Variants in ZNF217 observed in about 807,000 individuals in gnomAD.
ZNF217 encodes the protein zinc finger protein 217.
ZNF217 carries 12 observed loss-of-function variants against 73.3 expected under a neutral mutation model. That is an observed-to-expected ratio of 0.16 (90% CI 0.10 to 0.27). The LOEUF (loss-of-function observed/expected upper bound fraction) is 0.27. Ranked by LOEUF, ZNF217 falls within the 10% of genes least tolerant of loss-of-function variation. ZNF217 has a pLI of 1.00. For missense variants in ZNF217, 1,195 were observed against 1,327.8 expected, an observed-to-expected ratio of 0.90 and a Z score of 1.55; for synonymous variants, 588 against 516.4, an observed-to-expected ratio of 1.14 and a Z score of -1.88.
rs779968597 is a variant in ZNF217 at position 53,582,660 on chromosome 20, A to T, written c.167T>A (p.Val56Asp). 1 of 1,614,204 alleles carries T rather than the reference A, an allele frequency of 6.2e-7. No homozygotes were observed. Among genetic ancestry groups the T allele is most frequent in the Non-Finnish European group, 8.5e-7 (1 of 1,180,032 alleles). The change falls in exon 2 of 6, where the codon GTC becomes GAC. Residue 56 changes from valine (V) to aspartate (D), a missense_variant. Coordinates refer to ENST00000371471, the MANE Select transcript of ZNF217 (RefSeq NM_006526.3). The surrounding 1 kb of genome is among the most constrained non-coding windows in gnomAD (Gnocchi z 4.8). ...GGGCATATACCCCTCGATTTGGATG[A>T]CATTTTTTTCTTGTGTAGCTCGGAA... ...VPFRATQEKN[V>D]IQIEGYMPLD...
chr20:53,594,730 G>A (rs1280895194), upstream of ZNF217, among the ~76,000 whole-genome samples: 1 of 152,150 alleles, frequency 6.6e-6, no homozygotes, highest in Non-Finnish European at 1.5e-5. Context: ...CGGGCGAGGG[G>A]AGGGGCCCGC....
Position 53,581,368 on chromosome 20 carries a change from C to A in ZNF217, c.1366+93G>T. 4.7e-6 allele frequency: 7 copies of A among 1,495,866 alleles called. No homozygotes were observed. Among genetic ancestry groups the A allele is most frequent in the Non-Finnish European group, 6.2e-6 (7 of 1,126,030 alleles). 92.7% of individuals were successfully genotyped at this position (1,495,866 alleles called of 1,614,324 possible). ...CTGGCTCTCCAAACCCCATTCCTGG[C>A]CAGCGTTGTCTGGAGATGGGAATAG... On this transcript the variant is annotated intron_variant, in intron 2 of 5. Coordinates refer to ENST00000371471, the MANE Select transcript of ZNF217 (RefSeq NM_006526.3). The surrounding 1 kb of genome is among the most constrained non-coding windows in gnomAD (Gnocchi z 4.9).
At chr20:53,594,631 C>T (rs943207562), upstream of ZNF217, among the ~76,000 whole-genome samples, 8 of 151,826 alleles carry the variant, frequency 5.3e-5, no homozygotes, top group East Asian at 7.8e-4. Context: ...GACAGGTACC[C>T]GGGGAGGCCG....
At position 53,576,292 on chromosome 20, in the gene ZNF217, C is replaced by T; in HGVS notation, c.2472G>A (p.Gln824=). Residue 824 remains glutamine (Q), a synonymous_variant, in exon 4 of 6, where the codon CAG becomes CAA. Coordinates refer to ENST00000371471, the MANE Select transcript of ZNF217 (RefSeq NM_006526.3). ...CGGCCCCTTGGACCCCCACATTCTG[C>T]TGTGGTCTGTGGGACTTCAGGTTAC... The part of the protein sequence containing the change: ...APSNLKSHRP[Q]QNVGVQGAAT... 3 of 1,614,202 alleles carry T rather than the reference C, an allele frequency of 1.9e-6. No homozygotes were observed. The highest frequency in any genetic ancestry group is 1.7e-4 in the Middle Eastern group (1 of 6,058).
upstream of ZNF217, among the ~76,000 whole-genome samples, chr20:53,594,734 G>A (rs1440068265): frequency 6.6e-6 from 1 of 152,116 alleles, no homozygotes; most frequent in African/African-American, 2.4e-5. Flanking sequence ...CGAGGGGAGG[G>A]GCCCGCGGCC....
At position 53,583,080 on chromosome 20, in the gene ZNF217, G is replaced by A; in HGVS notation, c.-254C>T. ...CGATTCAAATATGAATCAGCACAAA[G>A]CATTAGTTCTCTTTGTCTCCATTGA... is the stretch of plus-strand genomic sequence containing the variant. On this transcript the variant is annotated 5_prime_UTR_variant, in exon 2 of 6. Coordinates refer to ENST00000371471, the MANE Select transcript of ZNF217 (RefSeq NM_006526.3). 4.5e-6 allele frequency: 2 copies of A among 442,624 alleles called. No homozygotes were observed. Among genetic ancestry groups the A allele is most frequent in the Non-Finnish European group, 8.0e-6 (2 of 251,068 alleles). The allele number at this position is 442,624 out of a possible 1,614,324, so 27.4% of individuals were successfully genotyped here. A position where few individuals can be genotyped will look rare whatever the true frequency, so the allele number is the denominator to read the frequency against.
At chr20:53,590,810 T>C (rs1988853515) in intron 1 of ZNF217, among the ~76,000 whole-genome samples, 1 of 152,222 alleles carries the variant, frequency 6.6e-6, no homozygotes, top group African/African-American at 2.4e-5. Flanking sequence ...GACTTAGTCA[T>C]TGCCAGGCCA....
At chr20:53,591,871 G>T (rs1479448857) in intron 1 of ZNF217, among the ~76,000 whole-genome samples, 1 of 152,142 alleles carries the variant, frequency 6.6e-6, no homozygotes, top group Non-Finnish European at 1.5e-5. Flanking sequence ...TATCAATCAA[G>T]AAAGAACATC....
rs767201521 is a variant in ZNF217 at position 53,576,193 on chromosome 20, G to C, written c.2571C>G (p.Pro857=). The C allele has an allele frequency of 9.3e-6, 15 of 1,614,168 alleles. No homozygotes were observed. The highest frequency in any genetic ancestry group is 1.2e-5 in the Non-Finnish European group (14 of 1,180,044). Residue 857 remains proline (P), a synonymous_variant, in exon 4 of 6, where the codon CCC becomes CCG. Coordinates refer to ENST00000371471, the MANE Select transcript of ZNF217 (RefSeq NM_006526.3). ...VSPAPDKTKR[P]ETKLKPLPVA... is the part of the protein sequence containing the mutation. ...CTGGAAGAGGTTTCAATTTTGTCTC[G>C]GGTCTTTTTGTCTTATCCGGTGCAG...
intron 1 of ZNF217, among the ~76,000 whole-genome samples, chr20:53,584,140 TAA>T (rs1568689456): frequency 6.6e-6 from 1 of 152,222 alleles, no homozygotes; most frequent in African/African-American, 2.4e-5. Flanking sequence ...GGAGAAGAAT[TAA>T]CTTCTAAAGC....
upstream of ZNF217, chr20:53,593,878 C>A (rs1600734476): frequency 1.3e-5 from 1 of 76,028 alleles, no homozygotes; most frequent in African/African-American, 4.7e-5. Flanking sequence ...GCGGGGAGGG[C>A]GGAGGGAGGG....
intron 1 of ZNF217, among the ~76,000 whole-genome samples, chr20:53,593,155 GGC>G (rs573527909): frequency 1.1e-3 from 163 of 152,162 alleles, no homozygotes; most frequent in African/African-American, 3.4e-3. Flanking sequence ...GGAGTCACGG[GGC>G]GCGCGTCGGG....
chr20:53,595,669 AT>A (rs1158729248), upstream of ZNF217, among the ~76,000 whole-genome samples: 8 of 152,224 alleles, frequency 5.3e-5, no homozygotes, highest in South Asian at 1.2e-3. Context: ...AATTGGGTGA[AT>A]TTTTTTTCAC....
chr20:53,578,317 A>C lies in ZNF217; in HGVS notation c.1483+17T>G. 1 of 1,528,550 alleles carries C rather than the reference A, an allele frequency of 6.5e-7. No homozygotes were observed. Among genetic ancestry groups the C allele is most frequent in the South Asian group, 1.2e-5 (1 of 80,376 alleles). 94.7% of individuals were successfully genotyped at this position (1,528,550 alleles called of 1,614,324 possible). ...TAATTTAACTAATGCATGGTTAAAA[A>C]AATAAAAGTTCTTTACCTGTATGCG... On this transcript the variant is annotated intron_variant, in intron 3 of 5. Coordinates refer to ENST00000371471, the MANE Select transcript of ZNF217 (RefSeq NM_006526.3).
rs551071022 is a variant in ZNF217, at chr20:53,582,948, T to G, written c.-122A>C. 9.0e-7 allele frequency: 1 copy of G among 1,112,292 alleles called. No homozygotes were observed. Among genetic ancestry groups the G allele is most frequent in the Non-Finnish European group, 1.3e-6 (1 of 783,278 alleles). The allele number at this position is 1,112,292 out of a possible 1,614,324, so 68.9% of individuals were successfully genotyped here. A position where few individuals can be genotyped will look rare whatever the true frequency, so the allele number is the denominator to read the frequency against. ...CCAGAGCAAATATTTATTATAAAAG[T>G]TCAAAAGAAAGTGTATAGTCCTCTA... On this transcript the variant is annotated 5_prime_UTR_variant, in exon 2 of 6. Transcript: ENST00000371471. This position sits in a 1 kb window ranked among gnomAD's most constrained non-coding sequence, Gnocchi z 4.8.
rs1988219865 is a variant in ZNF217 at position 53,575,559 on chromosome 20, G to A, written c.3037+168C>T. On this transcript the variant is annotated intron_variant, in intron 4 of 5. Coordinates refer to ENST00000371471, the MANE Select transcript of ZNF217 (RefSeq NM_006526.3). ...CCACAGAGTTAAGTAAGCCTTGGAG[G>A]ACCACAAACCACTGCCGTATCTAAG... 8.2e-6 allele frequency: 5 copies of A among 607,968 alleles called. No homozygotes were observed. The East Asian group carries it at 1.4e-4, about 17-fold the overall frequency. The allele number at this position is 607,968 out of a possible 1,614,324, so 37.7% of individuals were successfully genotyped here. A position where few individuals can be genotyped will look rare whatever the true frequency, so the allele number is the denominator to read the frequency against.
At chr20:53,589,909 C>T (rs1568692427) in intron 1 of ZNF217, among the ~76,000 whole-genome samples, 1 of 134,030 alleles carries the variant, frequency 7.5e-6, no homozygotes, top group Non-Finnish European at 1.6e-5. Context: ...CTCCCCCCCG[C>T]AGAATCTGGA....
chr20:53,575,920 G>C lies in ZNF217; in HGVS notation c.2844C>G (p.Val948=), dbSNP rs776510579. The change falls in exon 4 of 6, where the codon GTC becomes GTG. Residue 948 remains valine (V), a synonymous_variant. Transcript: ENST00000371471. ...RGYDLPKYHM[V]RGITSLLPQD... is the part of the protein sequence containing the mutation. ...GCGGTAACAGTGATGTGATGCCTCTGACCATATGGTACTTGGGAAGGTCAT... is the reference window on the plus strand; with the variant it reads ...GCGGTAACAGTGATGTGATGCCTCTCACCATATGGTACTTGGGAAGGTCAT... 3 of 1,614,110 alleles carry C rather than the reference G, an allele frequency of 1.9e-6. No individual in the cohort carries two copies. Among genetic ancestry groups the C allele is most frequent in the Non-Finnish European group, 2.5e-6 (3 of 1,180,056 alleles).
At chr20:53,578,193 T>A in intron 3 of ZNF217, 141 bp downstream of exon 3, 1 of 542,458 alleles carries the variant, frequency 1.8e-6, no homozygotes. Context: ...AGAATAAAAA[T>A]AACCACTGCA....
Sources: gnomAD v4.1 joint callset for allele counts (sites outside exome capture counted in the v4.1 genomes callset) on GRCh38, gnomAD v4.1.1 for gene constraint, Gnocchi (gnomAD v3.1) non-coding constraint, MANE v1.5 for transcripts, NCBI Gene and HGNC (gene_info 2026-07-23, HGNC 2026-07-21) for gene names.